RXRA: variants seen among roughly 807,000 people sequenced by gnomAD.
RXRA encodes the protein retinoic acid receptor RXR-alpha.
RXRA carries 5 observed loss-of-function variants against 44.5 expected under a neutral mutation model. That is an observed-to-expected ratio of 0.11 (90% CI 0.06 to 0.24). The LOEUF is 0.24. RXRA is among the 10% of genes least tolerant of loss of function. RXRA has a pLI of 1.00. For synonymous variants in RXRA, 291 were observed against 271.4 expected (o/e 1.07, Z -0.71); for missense variants, 412 against 646.5 (o/e 0.64, Z 3.93).
Position 134,383,156 on chromosome 9 carries a change from G to A in RXRA, c.29-18476G>A, listed in dbSNP as rs535323495. ...GCTTCCCCAGTGTCAGCACACACAG[G>A]GGGGCCATGAGGGGCCGAGAGCCCA... On this transcript the variant is annotated intron_variant, in intron 1 of 9. Transcript: ENST00000481739. Among the ~76,000 whole-genome samples, 3 of 152,252 alleles carry A rather than the reference G, an allele frequency of 2.0e-5. No individual in the cohort carries two copies. In the South Asian group the frequency reaches 6.2e-4, roughly 32 times the overall value.
At position 134,342,715 on chromosome 9, in the gene RXRA, G is replaced by A. The variant is rs549800043; in HGVS notation, c.28+16056G>A. ...AGGGCTGAGATGGCTGGTGTGGGCC[G>A]CCCTGACCTGGTGGGTTTGGGGGAA... On this transcript the variant is annotated intron_variant, in intron 1 of 9. Transcript: ENST00000481739. This position sits in a 1 kb window ranked among gnomAD's most constrained non-coding sequence, Gnocchi z 4.4. Among the ~76,000 whole-genome samples the A allele has an allele frequency of 5.8e-4, 88 of 152,220 alleles. No individual in the cohort carries two copies. The highest frequency in any genetic ancestry group is 9.0e-4 in the Non-Finnish European group (61 of 67,978).
At chr9:134,376,080 C>T (rs1197791203) in intron 1 of RXRA, among the ~76,000 whole-genome samples, 1 of 151,732 alleles carries the variant, frequency 6.6e-6, no homozygotes, top group Non-Finnish European at 1.5e-5. Flanking sequence ...AAATGGAATT[C>T]AGATTTGTGT....
chr9:134,421,697 A>G lies in RXRA; in HGVS notation c.802A>G (p.Ile268Val), dbSNP rs761143990. 1 of 1,572,044 alleles carries G rather than the reference A, an allele frequency of 6.4e-7. No homozygotes were observed. The highest frequency in any genetic ancestry group is 1.8e-5 in the Admixed American group (1 of 57,082). ...PSSPNDPVTN[I>V]CQAADKQLFT... is the part of the protein sequence containing the mutation. ...GCAGCCGAACGACCCTGTCACCAACATTTGCCAAGCAGCCGACAAACAGCT... is the reference window on the plus strand; with the variant it reads ...GCAGCCGAACGACCCTGTCACCAACGTTTGCCAAGCAGCCGACAAACAGCT... The change falls in exon 6 of 10, where the codon ATT (isoleucine) becomes GTT (valine). Residue 268 changes from isoleucine to valine, a missense_variant. Ile to Val is a conservative substitution (Grantham distance 29). Transcript: ENST00000481739.
chr9:134,379,722 C>T (rs932764847), intron 1 of RXRA: 13 of 985,268 alleles, frequency 1.3e-5, no homozygotes, highest in South Asian at 9.4e-5. Context: ...CCAGCCTGGG[C>T]GGGTTCGTGG....
At chr9:134,377,456 C>T (rs369520126) in intron 1 of RXRA, among the ~76,000 whole-genome samples, 4 of 152,338 alleles carry the variant, frequency 2.6e-5, no homozygotes, top group African/African-American at 2.4e-5. Context: ...CCTTAGAACT[C>T]AGCCCTGCGT....
At chr9:134,359,201 ACACT>A (rs1255619529) in intron 1 of RXRA, among the ~76,000 whole-genome samples, 3 of 152,008 alleles carry the variant, frequency 2.0e-5, no homozygotes, top group Admixed American at 6.6e-5. Context: ...GATATAAAGA[ACACT>A]CACTCCACTG....
chr9:134,425,566 G>T, intron 6 of RXRA: 1 of 795,614 alleles, frequency 1.3e-6, no homozygotes, highest in Non-Finnish European at 1.5e-6. Context: ...GGGGGGGTGA[G>T]GGGGGTGGGG....
At chr9:134,408,100 G>A (rs770012813) in intron 2 of RXRA, 49 bp from the exon 3 acceptor site, 15 of 1,459,670 alleles carry the variant, frequency 1.0e-5, no homozygotes, top group Non-Finnish European at 1.4e-5. Flanking sequence ...GGGGACATAG[G>A]GACAAACCTG....
At chr9:134,427,130 C>T (rs1831447059) in intron 6 of RXRA, 2 of 984,638 alleles carry the variant, frequency 2.0e-6, no homozygotes, top group East Asian at 1.1e-4. Context: ...GATTAGACTT[C>T]TCCCAAATGT....
At chr9:134,332,231 A>G (rs1397004572) in intron 1 of RXRA, among the ~76,000 whole-genome samples, 1 of 152,194 alleles carries the variant, frequency 6.6e-6, no homozygotes, top group Non-Finnish European at 1.5e-5. Context: ...TCATGCCACC[A>G]GGGCAGCACT....
intron 6 of RXRA, chr9:134,423,361 C>G: frequency 1.0e-6 from 1 of 985,492 alleles, no homozygotes. Context: ...GCACTGTGGG[C>G]TCCGCCGCCT....
At chr9:134,421,930 C>T in intron 6 of RXRA, 125 bp downstream of exon 6, 1 of 1,529,748 alleles carries the variant, frequency 6.5e-7, no homozygotes, top group Non-Finnish European at 8.7e-7. Flanking sequence ...ACTCCCCCCT[C>T]CCAGGACCCA....
chr9:134,382,064 T>G (rs759774761), intron 1 of RXRA, among the ~76,000 whole-genome samples: 7 of 152,118 alleles, frequency 4.6e-5, no homozygotes, highest in Non-Finnish European at 8.8e-5. Flanking sequence ...GCTGGGCACT[T>G]TGGTCTCTGT....
chr9:134,407,123 A>G lies in RXRA; in HGVS notation c.280-1026A>G, dbSNP rs1013625943. Among the ~76,000 whole-genome samples the G allele has an allele frequency of 6.6e-6, 1 of 152,248 alleles. No individual in the cohort carries two copies. Among genetic ancestry groups the G allele is most frequent in the African/African-American group, 2.4e-5 (1 of 41,472 alleles). ...CAGATCGAGGAAGAACCTAGAAGCCAGAACAAGCTGGGGCTGGAAGACTCA... is the reference window on the plus strand; with the variant it reads ...CAGATCGAGGAAGAACCTAGAAGCCGGAACAAGCTGGGGCTGGAAGACTCA... On this transcript the variant is annotated intron_variant, in intron 2 of 9. Transcript: ENST00000481739. The surrounding 1 kb of genome is among the most constrained non-coding windows in gnomAD (Gnocchi z 4.8).
chr9:134,380,263 G>A (rs1256306649), intron 1 of RXRA: 1 of 899,498 alleles, frequency 1.1e-6, no homozygotes, highest in African/African-American at 1.8e-5. Context: ...GGTGGCCGGG[G>A]CACTGTGAGC....
In RXRA at chr9:134,436,774, C is replaced by T. The variant is rs1162035753; in HGVS notation, c.*160C>T. The T allele has an allele frequency of 1.3e-6, 1 of 761,104 alleles. No individual in the cohort carries two copies. Among genetic ancestry groups the T allele is most frequent in the Non-Finnish European group, 2.1e-6 (1 of 480,462 alleles). 47.1% of individuals were successfully genotyped at this position (761,104 alleles called of 1,614,324 possible). On this transcript the variant is annotated 3_prime_UTR_variant, in exon 10 of 10. Coordinates refer to ENST00000481739, the MANE Select transcript of RXRA (RefSeq NM_002957.6). ...CTCTGCCTAAGAGATGTGTTGTCACCCTCCTTATTTCTGTTACTACTTGTC... is the reference window on the plus strand; with the variant it reads ...CTCTGCCTAAGAGATGTGTTGTCACTCTCCTTATTTCTGTTACTACTTGTC...
intron 1 of RXRA, among the ~76,000 whole-genome samples, chr9:134,359,997 A>C (rs1830329473): frequency 6.6e-6 from 1 of 152,146 alleles, no homozygotes; most frequent in African/African-American, 2.4e-5. Flanking sequence ...TCCCTGGGCT[A>C]GGGGTGTGTA....
chr9:134,435,761 T>G (rs1831609520), intron 9 of RXRA, among the ~76,000 whole-genome samples: 2 of 152,176 alleles, frequency 1.3e-5, no homozygotes, highest in African/African-American at 4.8e-5. Context: ...CTCACCAGTG[T>G]GCTCAGCAGC....
Position 134,349,437 on chromosome 9 carries a change from G to A in RXRA, c.28+22778G>A, listed in dbSNP as rs1261236300. Among the ~76,000 whole-genome samples, 2 of 152,204 alleles carry A rather than the reference G, an allele frequency of 1.3e-5. No individual in the cohort carries two copies. The highest frequency in any genetic ancestry group is 6.5e-5 in the Admixed American group (1 of 15,288). On this transcript the variant is annotated intron_variant, in intron 1 of 9. Transcript: ENST00000481739. This position sits in a 1 kb window ranked among gnomAD's most constrained non-coding sequence, Gnocchi z 4.3. ...GAGAGGGACAGGCTGGTGGGTCGGG[G>A]AAGAGAAGAGGCTGGCTCAGGTGGG...
Sources: gnomAD v4.1 joint callset for allele counts (sites outside exome capture counted in the v4.1 genomes callset) on GRCh38, gnomAD v4.1.1 for gene constraint, Gnocchi (gnomAD v3.1) non-coding constraint, MANE v1.5 for transcripts, NCBI Gene and HGNC (gene_info 2026-07-23, HGNC 2026-07-21) for gene names.